Variants in PCNX2 observed in about 807,000 individuals in gnomAD.
The protein encoded by PCNX2 is pecanex 2, also known as pecanex-like protein 2.
Under a neutral mutation model 223.8 loss-of-function variants are expected in PCNX2, and 168 were observed. The ratio of observed to expected loss-of-function variants is 0.75; its 90% CI spans 0.66 to 0.85. PCNX2 has a LOEUF of 0.85. Ranked by LOEUF, PCNX2 falls within the 40% of genes least tolerant of loss-of-function variation. The pLI is 0.00. For synonymous variants in PCNX2, 1,006 were observed against 1,052.6 expected (o/e 0.96, Z 0.86); for missense variants, 2,507 against 2,675.5 (o/e 0.94, Z 1.39).
chr1:233,056,046 T>G (rs748837689), intron 24 of PCNX2, among the ~76,000 whole-genome samples: 2 of 152,226 alleles, frequency 1.3e-5, no homozygotes, highest in Non-Finnish European at 2.9e-5. Flanking sequence ...AACTTAATTA[T>G]GATTAATGGA....
At chr1:233,146,793 G>C (rs1677476961) in intron 19 of PCNX2, among the ~76,000 whole-genome samples, 1 of 152,144 alleles carries the variant, frequency 6.6e-6, no homozygotes. Flanking sequence ...ATTTGGATGG[G>C]GGAGTAAGAA....
intron 9 of PCNX2, chr1:233,231,483 A>C (rs1188425400): frequency 4.4e-6 from 1 of 227,058 alleles, no homozygotes; most frequent in Non-Finnish European, 7.3e-6. Flanking sequence ...GAAAGAGAGT[A>C]AGTGATCAGC....
At chr1:233,118,554 A>T (rs1036270251) in intron 21 of PCNX2, among the ~76,000 whole-genome samples, 2 of 151,568 alleles carry the variant, frequency 1.3e-5, no homozygotes, top group Non-Finnish European at 2.9e-5. Context: ...ACAAAAATCT[A>T]TTGTATCTCT....
chr1:233,284,884 C>A, intron 1 of PCNX2: 3 of 888,184 alleles, frequency 3.4e-6, no homozygotes, highest in Non-Finnish European at 4.0e-6. Context: ...GTCCCTCAAC[C>A]ATAGTGACTG....
At chr1:233,017,367 G>A (rs988240126) in intron 26 of PCNX2, among the ~76,000 whole-genome samples, 3 of 141,014 alleles carry the variant, frequency 2.1e-5, no homozygotes, top group Non-Finnish European at 4.5e-5. Flanking sequence ...ACCCAGGCTG[G>A]AGTGCAGCGG....
At chr1:233,036,197 T>C (rs1430600934) in intron 25 of PCNX2, among the ~76,000 whole-genome samples, 1 of 152,070 alleles carries the variant, frequency 6.6e-6, no homozygotes, top group Non-Finnish European at 1.5e-5. Flanking sequence ...CCCACACTCA[T>C]TTTCCGGGGA....
In PCNX2 at chr1:233,250,775, G is replaced by C; in HGVS notation, c.2186C>G (p.Pro729Arg). 6.2e-7 allele frequency: 1 copy of C among 1,606,886 alleles called. No homozygotes were observed. The highest frequency in any genetic ancestry group is 8.5e-7 in the Non-Finnish European group (1 of 1,176,602). The change falls in exon 8 of 34, where the codon CCT (proline) becomes CGT (arginine). Residue 729 changes from proline to arginine, a missense_variant. This residue lies in a region of PCNX2 where 1,031 missense variants were observed against 1,021.7 expected (regional missense o/e 1.01). Transcript: ENST00000258229. Reference sequence around the variant, plus strand: ...GAGACAGTCATTATTTGATGGTAGAGGCTGTAAAGGGCCTTCTTTCTGATT... The same window carrying C: ...GAGACAGTCATTATTTGATGGTAGACGCTGTAAAGGGCCTTCTTTCTGATT... ...SGNQKEGPLQ[P>R]LPSNNDCLSQ... is the part of the protein sequence containing the mutation.
the PCNX2 span, among the ~76,000 whole-genome samples, chr1:233,316,888 C>G: frequency 6.6e-6 from 1 of 152,168 alleles, no homozygotes; most frequent in Non-Finnish European, 1.5e-5. Context: ...TTCATCCTGT[C>G]TATTTTTCAT....
chr1:233,082,489 T>C (rs541871818), intron 23 of PCNX2, among the ~76,000 whole-genome samples: 24 of 152,358 alleles, frequency 1.6e-4, no homozygotes, highest in African/African-American at 5.5e-4. Flanking sequence ...TTCCTTGTCA[T>C]GGCATATCCA....
intron 26 of PCNX2, chr1:233,019,263 G>T: frequency 1.1e-6 from 1 of 926,326 alleles, no homozygotes; most frequent in Non-Finnish European, 1.3e-6. Context: ...CTTCTATTAC[G>T]CTCCACAGTC....
At chr1:233,307,838 G>T in the PCNX2 span, among the ~76,000 whole-genome samples, 16 of 152,198 alleles carry the variant, frequency 1.1e-4, no homozygotes, top group African/African-American at 3.9e-4. Flanking sequence ...TCAGCAGAAT[G>T]AGTTCAGAGC....
chr1:233,087,628 C>T (rs1407181717), intron 23 of PCNX2, among the ~76,000 whole-genome samples: 2 of 152,196 alleles, frequency 1.3e-5, no homozygotes, highest in Non-Finnish European at 2.9e-5. Context: ...CTGTCACTTC[C>T]TTTCCTGGTA....
chr1:233,124,647 T>C (rs1034411681), intron 21 of PCNX2, among the ~76,000 whole-genome samples: 1 of 152,226 alleles, frequency 6.6e-6, no homozygotes, highest in Non-Finnish European at 1.5e-5. Flanking sequence ...TGTTCATGGT[T>C]TTCCTGGTTG....
rs534451069 is a variant in PCNX2 at position 233,201,873 on chromosome 1, A to G, written c.2864-1609T>C. On this transcript the variant is annotated intron_variant, in intron 13 of 33. Transcript: ENST00000258229. ...GAATTGGAACACAATGAAAAATGGCATGAGGAAGATAAAATGGTAAGAAAT... is the reference window on the plus strand; with the variant it reads ...GAATTGGAACACAATGAAAAATGGCGTGAGGAAGATAAAATGGTAAGAAAT... 28 of 172,544 alleles carry G rather than the reference A, an allele frequency of 1.6e-4. No individual in the cohort carries two copies. In the South Asian group the frequency reaches 3.2e-3, roughly 20 times the overall value. 10.7% of individuals were successfully genotyped at this position (172,544 alleles called of 1,614,324 possible). A position where few individuals can be genotyped will look rare whatever the true frequency, so the allele number is the denominator to read the frequency against.
intron 25 of PCNX2, among the ~76,000 whole-genome samples, chr1:233,044,630 A>C (rs1671762605): frequency 6.6e-6 from 1 of 152,158 alleles, no homozygotes; most frequent in East Asian, 1.9e-4. Flanking sequence ...TATGAGCCAA[A>C]AGAATAGAAT....
At chr1:233,234,475 AC>A (rs1461163475) in intron 9 of PCNX2, among the ~76,000 whole-genome samples, 2 of 152,218 alleles carry the variant, frequency 1.3e-5, no homozygotes, top group African/African-American at 4.8e-5. Flanking sequence ...TAACAATAAA[AC>A]GCTACAGATG....
intron 23 of PCNX2, among the ~76,000 whole-genome samples, chr1:233,075,139 A>G (rs1445567563): frequency 6.6e-6 from 1 of 152,248 alleles, no homozygotes; most frequent in Non-Finnish European, 1.5e-5. Context: ...ACAAGTGTCC[A>G]AAGAAGCTTT....
intron 3 of PCNX2, among the ~76,000 whole-genome samples, chr1:233,261,841 T>C (rs1000939980): frequency 6.6e-6 from 1 of 152,154 alleles, no homozygotes; most frequent in Non-Finnish European, 1.5e-5. Context: ...GAGTGTGCTT[T>C]GAACACACGA....
At chr1:233,022,230 T>A (rs1670915476) in intron 26 of PCNX2, among the ~76,000 whole-genome samples, 1 of 152,174 alleles carries the variant, frequency 6.6e-6, no homozygotes, top group Non-Finnish European at 1.5e-5. Flanking sequence ...CCAGACTGTA[T>A]GGCCCAGACT....
Sources: allele counts gnomAD v4.1 joint callset (sites outside exome capture counted in the v4.1 genomes callset), GRCh38; gene constraint gnomAD v4.1.1; regional missense constraint gnomAD v4.1.1; transcripts MANE v1.5; gene names NCBI Gene and HGNC (gene_info 2026-07-23, HGNC 2026-07-21).